Variants in EDARADD observed in about 807,000 individuals in gnomAD.
The protein encoded by EDARADD is ectodysplasin-A receptor-associated adapter protein.
Under a neutral mutation model 25.6 loss-of-function variants are expected in EDARADD, and 20 were observed. The ratio of observed to expected loss-of-function variants is 0.78; its 90% CI spans 0.55 to 1.14. The LOEUF (loss-of-function observed/expected upper bound fraction) is 1.14. EDARADD is among the 50% of genes most tolerant of loss of function. EDARADD has a pLI of 0.00. For synonymous variants in EDARADD, 86 were observed against 94.4 expected (o/e 0.91, Z 0.52); for missense variants, 225 against 270.1 (o/e 0.83, Z 1.17).
chr1:236,455,718 G>A (rs1658840168), intron 4 of EDARADD, among the ~76,000 whole-genome samples: 1 of 152,226 alleles, frequency 6.6e-6, no homozygotes, highest in South Asian at 2.1e-4. Flanking sequence ...AAGGGTTCCT[G>A]TTGCAGAGCT....
At chr1:236,424,507 T>C (rs1354293401) in intron 3 of EDARADD, among the ~76,000 whole-genome samples, 1 of 152,026 alleles carries the variant, frequency 6.6e-6, no homozygotes, top group Non-Finnish European at 1.5e-5. Context: ...TTTCTTTCAT[T>C]CCCTTTTTAT....
intron 3 of EDARADD, among the ~76,000 whole-genome samples, chr1:236,368,079 C>A (rs1667130761): frequency 6.6e-6 from 1 of 152,152 alleles, no homozygotes; most frequent in African/African-American, 2.4e-5. Flanking sequence ...CACTGCATTG[C>A]AGCCTGGGTG....
chr1:236,401,493 G>T (rs1056537033), intron 1 of EDARADD, among the ~76,000 whole-genome samples: 1 of 152,278 alleles, frequency 6.6e-6, no homozygotes, highest in East Asian at 1.9e-4. Flanking sequence ...TGTCTGTTTC[G>T]GGTTATGTGC....
At chr1:236,368,089 G>A (rs1311341886) in intron 3 of EDARADD, among the ~76,000 whole-genome samples, 1 of 152,132 alleles carries the variant, frequency 6.6e-6, no homozygotes, top group Non-Finnish European at 1.5e-5. Context: ...CAGCCTGGGT[G>A]ACAGAGTGAG....
intron 3 of EDARADD, among the ~76,000 whole-genome samples, chr1:236,422,385 T>C (rs1383673505): frequency 6.6e-6 from 1 of 152,188 alleles, no homozygotes; most frequent in Non-Finnish European, 1.5e-5. Context: ...ATTTATAGTT[T>C]GGGTGTATTT....
At chr1:236,409,075 A>G in intron 1 of EDARADD, 141 bp from the exon 2 acceptor site, 2 of 483,476 alleles carry the variant, frequency 4.1e-6, no homozygotes, top group Non-Finnish European at 7.2e-6. Context: ...TCTTAAAAAA[A>G]AAAAAAAAAA....
chr1:236,365,238 G>A (rs986461905), intron 3 of EDARADD, among the ~76,000 whole-genome samples: 5 of 151,216 alleles, frequency 3.3e-5, no homozygotes, highest in Admixed American at 1.3e-4. Flanking sequence ...ATCAGGGCTC[G>A]ATGCAGCCTC....
chr1:236,422,791 A>G (rs1049158506), intron 3 of EDARADD, among the ~76,000 whole-genome samples: 1 of 152,176 alleles, frequency 6.6e-6, no homozygotes, highest in Non-Finnish European at 1.5e-5. Flanking sequence ...CTGCAGATGG[A>G]ACATGCCAGA....
intron 3 of EDARADD, among the ~76,000 whole-genome samples, chr1:236,371,104 G>C (rs1477596556): frequency 6.6e-6 from 1 of 152,154 alleles, no homozygotes; most frequent in African/African-American, 2.4e-5. Context: ...GGGTAGGTTT[G>C]CATAGTACCC....
chr1:236,433,314 TG>T (rs10706137), intron 4 of EDARADD, among the ~76,000 whole-genome samples: 59,909 of 150,462 alleles, frequency 0.4, 13,948 homozygotes, highest in East Asian at 0.65. Flanking sequence ...CCCAGCACTT[TG>T]GGGGGGGCCG....
intron 3 of EDARADD, among the ~76,000 whole-genome samples, chr1:236,371,986 GCT>G (rs548760260): frequency 8.2e-4 from 123 of 150,732 alleles, no homozygotes; most frequent in Non-Finnish European, 1.4e-3. Context: ...ATGGAGTCTC[GCT>G]CTGTCTCTCC....
intron 2 of EDARADD, among the ~76,000 whole-genome samples, chr1:236,412,633 A>T (rs602791): frequency 0.56 from 84,533 of 151,982 alleles, 23,851 homozygotes; most frequent in Non-Finnish European, 0.59. Context: ...GCCTGCCACC[A>T]GCAACTACTT....
chr1:236,412,168 C>T (rs1453922628), intron 2 of EDARADD, among the ~76,000 whole-genome samples: 3 of 152,190 alleles, frequency 2.0e-5, no homozygotes, highest in South Asian at 2.1e-4. Flanking sequence ...CCCTCTCACC[C>T]TCCCAGGGTA....
chr1:236,484,285 G>T lies in EDARADD; in HGVS notation c.*1636G>T. ...TGTGTCATGGTGCCTCATCATTCTGGGGAGACTGAAAATACCTTCATCACT... is the reference window on the plus strand; with the variant it reads ...TGTGTCATGGTGCCTCATCATTCTGTGGAGACTGAAAATACCTTCATCACT... On this transcript the variant is annotated 3_prime_UTR_variant, in exon 6 of 6. Coordinates refer to ENST00000334232, the MANE Select transcript of EDARADD (RefSeq NM_145861.4). The surrounding 1 kb of genome is among the most constrained non-coding windows in gnomAD (Gnocchi z 4.1). 2 of 1,027,790 alleles carry T rather than the reference G, an allele frequency of 1.9e-6. No homozygotes were observed. The highest frequency in any genetic ancestry group is 3.1e-6 in the Non-Finnish European group (2 of 646,444). The allele number at this position is 1,027,790 out of a possible 1,614,324, so 63.7% of individuals were successfully genotyped here.
At chr1:236,480,986 G>A (rs769282514) in intron 5 of EDARADD, among the ~76,000 whole-genome samples, 37 of 152,274 alleles carry the variant, frequency 2.4e-4, no homozygotes, top group Non-Finnish European at 4.4e-4. Context: ...CACACCCCAG[G>A]GTGTTGGCGC....
intron 5 of EDARADD, among the ~76,000 whole-genome samples, chr1:236,472,998 A>G (rs556536349): frequency 1.3e-5 from 2 of 152,330 alleles, no homozygotes; most frequent in African/African-American, 4.8e-5. Flanking sequence ...CGGGCTGCTA[A>G]GAAGCCTAAT....
chr1:236,480,133 A>ATATATATATATATATC (rs1553271650), intron 5 of EDARADD, among the ~76,000 whole-genome samples: 2 of 142,090 alleles, frequency 1.4e-5, no homozygotes, highest in African/African-American at 5.3e-5. Flanking sequence ...ATATATATAT[A>ATATATATATATATATC]TATCACATTT....
chr1:236,388,696 A>G (rs6672957), intron 3 of EDARADD, among the ~76,000 whole-genome samples: 116,894 of 152,150 alleles, frequency 0.77, 46,343 homozygotes, highest in East Asian at 0.92. Context: ...TCATATAAGA[A>G]AGCTCTTGGT....
At chr1:236,449,864 G>A (rs1231760144) in intron 4 of EDARADD, among the ~76,000 whole-genome samples, 1 of 152,172 alleles carries the variant, frequency 6.6e-6, no homozygotes, top group South Asian at 2.1e-4. Flanking sequence ...ACTTTGGGAC[G>A]CCAAGGCAGG....
Sources: gnomAD v4.1 joint callset for allele counts (sites outside exome capture counted in the v4.1 genomes callset) on GRCh38, gnomAD v4.1.1 for gene constraint, Gnocchi (gnomAD v3.1) non-coding constraint, MANE v1.5 for transcripts, NCBI Gene and HGNC (gene_info 2026-07-23, HGNC 2026-07-21) for gene names.